Variants in GALNT13 observed in about 807,000 individuals in gnomAD.
GALNT13 encodes UDP-GalNAc:polypeptide N-acetylgalactosaminyltransferase 13.
In GALNT13, 28 loss-of-function variants were observed where a neutral mutation model predicts 64.2. That is an observed-to-expected ratio of 0.44 (90% CI 0.32 to 0.60). GALNT13 has a LOEUF of 0.60. Among genes scored for constraint, GALNT13 ranks in the 20% least tolerant of loss-of-function variants. The probability of loss-of-function intolerance (pLI) is 0.05; values close to 1 mark genes in which losing one functional copy is unlikely to be tolerated. For missense variants in GALNT13, 577 were observed against 669.8 expected (o/e 0.86, Z 1.53); for synonymous variants, 214 against 224.6 (o/e 0.95, Z 0.42).
chr2:154,409,954 C>T (rs1026436159), intron 11 of GALNT13, among the ~76,000 whole-genome samples: 3 of 151,728 alleles, frequency 2.0e-5, no homozygotes, highest in Admixed American at 6.6e-5. Flanking sequence ...TGAGTTTTGG[C>T]GCACCATACT....
intron 1 of GALNT13, among the ~76,000 whole-genome samples, chr2:153,898,282 G>C (rs183959413): frequency 1.2e-3 from 175 of 152,172 alleles, no homozygotes; most frequent in Middle Eastern, 3.4e-3. Flanking sequence ...TATTTTTTAG[G>C]ATATGTGAAC....
chr2:154,194,972 A>G (rs1330248722), intron 4 of GALNT13, among the ~76,000 whole-genome samples: 1 of 151,504 alleles, frequency 6.6e-6, no homozygotes, highest in African/African-American at 2.4e-5. Context: ...CCCATCATCT[A>G]GGTTTTAAGC....
chr2:153,258,710 A>C, the GALNT13 span, among the ~76,000 whole-genome samples: 2 of 151,982 alleles, frequency 1.3e-5, no homozygotes, highest in South Asian at 2.1e-4. Flanking sequence ...TAATTTCTTC[A>C]TTGACCCACT....
At chr2:153,728,567 A>C in the GALNT13 span, among the ~76,000 whole-genome samples, 1 of 152,162 alleles carries the variant, frequency 6.6e-6, no homozygotes, top group Non-Finnish European at 1.5e-5. Context: ...CGACACCCTG[A>C]AATCACAATT....
chr2:154,454,736 T>C (rs931344883), downstream of GALNT13: 2 of 152,182 alleles, frequency 1.3e-5, no homozygotes, highest in Non-Finnish European at 2.9e-5. Context: ...TTCTTTAAAA[T>C]AATACAAGCA....
the GALNT13 span, among the ~76,000 whole-genome samples, chr2:153,762,834 A>G: frequency 6.7e-6 from 1 of 150,372 alleles, no homozygotes; most frequent in African/African-American, 2.4e-5. Context: ...TTCTTCCTCT[A>G]TTGCCATCAT....
chr2:153,623,749 A>G, the GALNT13 span, among the ~76,000 whole-genome samples: 1 of 152,012 alleles, frequency 6.6e-6, no homozygotes, highest in African/African-American at 2.4e-5. Context: ...TTATAGGGAC[A>G]AGTATATCAG....
the GALNT13 span, among the ~76,000 whole-genome samples, chr2:153,741,128 T>G: frequency 6.6e-6 from 1 of 152,168 alleles, no homozygotes; most frequent in African/African-American, 2.4e-5. Context: ...TAAGATTCTT[T>G]CTTTGATTTT....
chr2:153,424,719 C>T, the GALNT13 span, among the ~76,000 whole-genome samples: 1 of 151,786 alleles, frequency 6.6e-6, no homozygotes, highest in East Asian at 1.9e-4. Context: ...ACTTGTCATA[C>T]ATAATAAAAC....
At chr2:153,337,999 G>A in the GALNT13 span, among the ~76,000 whole-genome samples, 18 of 152,080 alleles carry the variant, frequency 1.2e-4, no homozygotes, top group South Asian at 6.2e-4. Flanking sequence ...GGATCATACC[G>A]TATAATCATT....
intron 3 of GALNT13, among the ~76,000 whole-genome samples, chr2:154,108,152 TG>T (rs199896965): frequency 4.7e-4 from 71 of 151,828 alleles, no homozygotes; most frequent in Non-Finnish European, 7.8e-4. Context: ...TTCTATTTTT[TG>T]GTTTTTTTTT....
the GALNT13 span, among the ~76,000 whole-genome samples, chr2:153,120,652 TC>T: frequency 6.6e-6 from 1 of 152,220 alleles, no homozygotes; most frequent in South Asian, 2.1e-4. Context: ...TAAAGCTCTA[TC>T]TGGAAATTAG....
chr2:153,965,812 C>A (rs1288563448), intron 3 of GALNT13, among the ~76,000 whole-genome samples: 4 of 140,574 alleles, frequency 2.8e-5, no homozygotes, highest in Non-Finnish European at 4.6e-5. Context: ...AAAAAAAAAC[C>A]CAAAAACTAA....
chr2:153,424,380 G>T, the GALNT13 span, among the ~76,000 whole-genome samples: 1 of 151,544 alleles, frequency 6.6e-6, no homozygotes, highest in South Asian at 2.1e-4. Flanking sequence ...GAAGATATTT[G>T]CAGTTCAGAA....
intron 3 of GALNT13, among the ~76,000 whole-genome samples, chr2:153,974,308 A>G (rs1347646749): frequency 6.6e-6 from 1 of 152,090 alleles, no homozygotes; most frequent in Admixed American, 6.6e-5. Flanking sequence ...GTGGTTAACA[A>G]TCGTACTTTT....
the GALNT13 span, among the ~76,000 whole-genome samples, chr2:153,515,516 C>T: frequency 1.3e-5 from 2 of 152,200 alleles, no homozygotes; most frequent in Non-Finnish European, 2.9e-5. Context: ...CAAGCAACAA[C>T]CATGTACCAA....
intron 4 of GALNT13, among the ~76,000 whole-genome samples, chr2:154,199,645 T>C (rs1304466044): frequency 6.6e-6 from 1 of 152,072 alleles, no homozygotes; most frequent in African/African-American, 2.4e-5. Context: ...TTATTGCTTA[T>C]GTATGTATTA....
chr2:153,801,325 A>T, the GALNT13 span, among the ~76,000 whole-genome samples: 1 of 147,112 alleles, frequency 6.8e-6, no homozygotes, highest in Admixed American at 6.8e-5. Flanking sequence ...CTTGCTTTTG[A>T]CATGCCTTTT....
At chr2:154,252,798 G>A (rs1407857692) in intron 7 of GALNT13, among the ~76,000 whole-genome samples, 2 of 151,954 alleles carry the variant, frequency 1.3e-5, no homozygotes. Flanking sequence ...AAGGAAAGGA[G>A]AGGAGAGAAG....
Sources: gnomAD v4.1 joint callset for allele counts (sites outside exome capture counted in the v4.1 genomes callset) on GRCh38, gnomAD v4.1.1 for gene constraint, MANE v1.5 for transcripts, NCBI Gene and HGNC (gene_info 2026-07-23, HGNC 2026-07-21) for gene names.